Variants in EPYC observed in about 807,000 individuals in gnomAD.
EPYC encodes epiphycan.
EPYC carries 28 observed loss-of-function variants against 30.1 expected under a neutral mutation model. The observed-to-expected ratio is 0.93, with a 90% CI of 0.69 to 1.28. The LOEUF (loss-of-function observed/expected upper bound fraction) is 1.28. Among genes scored for constraint, EPYC ranks in the 50% most tolerant of loss-of-function variants. The probability of loss-of-function intolerance (pLI) is 0.00; values close to 1 mark genes in which losing one functional copy is unlikely to be tolerated. For missense variants in EPYC, 382 were observed against 383.5 expected, an observed-to-expected ratio of 1.00 and a Z score of 0.03; for synonymous variants, 144 against 141.4, an observed-to-expected ratio of 1.02 and a Z score of -0.13.
chr12:90,973,007 A>G, intron 3 of EPYC, 27 bp from the exon 4 acceptor site: 1 of 1,475,534 alleles, frequency 6.8e-7, no homozygotes, highest in Non-Finnish European at 9.3e-7. Context: ...AATAAAATTA[A>G]ATGTAAGTAC....
intron 3 of EPYC, among the ~76,000 whole-genome samples, chr12:90,977,842 T>C (rs1293653211): frequency 6.6e-6 from 1 of 152,156 alleles, no homozygotes; most frequent in East Asian, 1.9e-4. Flanking sequence ...AGGTTTCGAG[T>C]AATGATACAC....
chr12:90,972,541 A>C (rs1877077339), intron 4 of EPYC: 1 of 229,690 alleles, frequency 4.4e-6, no homozygotes. Flanking sequence ...TAATATGATA[A>C]AACATTCCAG....
In EPYC at chr12:90,972,058, A is replaced by G; in HGVS notation, c.500-56T>C. 2.8e-6 allele frequency: 3 copies of G among 1,070,398 alleles called. No homozygotes were observed. In the South Asian group the frequency reaches 5.2e-5, roughly 19 times the overall value. The allele number at this position is 1,070,398 out of a possible 1,614,324, so 66.3% of individuals were successfully genotyped here. A position where few individuals can be genotyped will look rare whatever the true frequency, so the allele number is the denominator to read the frequency against. On this transcript the variant is annotated intron_variant, in intron 4 of 6. Transcript: ENST00000261172. ...ATATTCTTGTTTTGCTCACATAAAA[A>G]TATAAATGTAATTTTCCTTTATTTT...
chr12:90,970,716 G>A (rs959708660), intron 5 of EPYC, among the ~76,000 whole-genome samples: 1 of 152,178 alleles, frequency 6.6e-6, no homozygotes, highest in African/African-American at 2.4e-5. Context: ...CCCTTGCCTG[G>A]CTATAGTGAG....
intron 2 of EPYC, among the ~76,000 whole-genome samples, chr12:90,993,530 A>T (rs993583818): frequency 6.6e-6 from 1 of 152,098 alleles, no homozygotes; most frequent in Non-Finnish European, 1.5e-5. Flanking sequence ...ACTGCCCAGA[A>T]AACCTTTACT....
At chr12:90,978,402 G>A (rs1421211575) in intron 2 of EPYC, 140 bp from the exon 3 acceptor site, 1 of 736,214 alleles carries the variant, frequency 1.4e-6, no homozygotes, top group East Asian at 3.2e-5. Context: ...TGACCATCCT[G>A]CTTGCTTGGA....
At chr12:90,986,565 C>T (rs1486522501) in intron 2 of EPYC, among the ~76,000 whole-genome samples, 1 of 152,082 alleles carries the variant, frequency 6.6e-6, no homozygotes, top group African/African-American at 2.4e-5. Flanking sequence ...TTCATTTGTC[C>T]TCTATGAACC....
intron 2 of EPYC, among the ~76,000 whole-genome samples, chr12:91,001,562 C>A (rs980657395): frequency 6.6e-6 from 1 of 152,076 alleles, no homozygotes; most frequent in African/African-American, 2.4e-5. Context: ...AGGAACATGT[C>A]ATATCAGATT....
chr12:90,977,806 C>G (rs1466417045), intron 3 of EPYC, among the ~76,000 whole-genome samples: 1 of 152,130 alleles, frequency 6.6e-6, no homozygotes, highest in Non-Finnish European at 1.5e-5. Context: ...CAATTACTCT[C>G]TGTTCTACAA....
intron 5 of EPYC, 62 bp from the exon 6 acceptor site, chr12:90,970,201 A>C: frequency 8.5e-7 from 1 of 1,182,342 alleles, no homozygotes; most frequent in Non-Finnish European, 1.3e-6. Flanking sequence ...TAAGAAATAA[A>C]AAACACAGCT....
intron 6 of EPYC, among the ~76,000 whole-genome samples, chr12:90,965,621 A>C (rs1474230247): frequency 6.6e-6 from 1 of 152,078 alleles, no homozygotes; most frequent in South Asian, 2.1e-4. Flanking sequence ...GATAGTTTAT[A>C]TTGATTTTAT....
chr12:90,969,398 AT>A (rs1158663152), intron 6 of EPYC, among the ~76,000 whole-genome samples: 2 of 152,094 alleles, frequency 1.3e-5, no homozygotes, highest in Non-Finnish European at 1.5e-5. Context: ...TGATTGAACA[AT>A]TTTTTAATCA....
chr12:90,973,017 C>A (rs368190492), intron 3 of EPYC, 37 bp from the exon 4 acceptor site: 66 of 1,396,132 alleles, frequency 4.7e-5, no homozygotes, highest in Middle Eastern at 1.8e-4. Context: ...AATGTAAGTA[C>A]CAAATCAATT....
intron 2 of EPYC, among the ~76,000 whole-genome samples, chr12:90,985,068 G>C (rs1565873770): frequency 6.6e-6 from 1 of 152,126 alleles, no homozygotes; most frequent in Non-Finnish European, 1.5e-5. Flanking sequence ...GCTGCAGCCT[G>C]AGAGTTTGGA....
At chr12:91,002,652 T>C in intron 1 of EPYC, 74 bp from the exon 2 acceptor site, 1 of 1,162,362 alleles carries the variant, frequency 8.6e-7, no homozygotes, top group South Asian at 1.5e-5. Context: ...ATAGAAATGA[T>C]AAATTAGTGT....
chr12:90,971,773 AG>A (rs746761003), intron 5 of EPYC, 26 bp downstream of exon 5: 2 of 1,411,958 alleles, frequency 1.4e-6, no homozygotes, highest in South Asian at 1.6e-5. Flanking sequence ...GGAAGATAAA[AG>A]TCTGCATATC....
chr12:90,976,686 A>G (rs1877189907), intron 3 of EPYC, among the ~76,000 whole-genome samples: 1 of 151,992 alleles, frequency 6.6e-6, no homozygotes, highest in South Asian at 2.1e-4. Flanking sequence ...TAATACAGTG[A>G]TATTGTTTGG....
intron 2 of EPYC, among the ~76,000 whole-genome samples, chr12:91,002,112 C>G (rs1877841493): frequency 7.1e-6 from 1 of 141,480 alleles, no homozygotes; most frequent in Admixed American, 7.7e-5. Context: ...ATTGCTTGAA[C>G]CCAGGAGGCG....
intron 2 of EPYC, among the ~76,000 whole-genome samples, chr12:90,996,666 A>G (rs1445358198): frequency 6.6e-6 from 1 of 151,944 alleles, no homozygotes; most frequent in African/African-American, 2.4e-5. Context: ...TTCTCTTTAC[A>G]AGGATGATTT....
Sources: allele counts gnomAD v4.1 joint callset (sites outside exome capture counted in the v4.1 genomes callset), GRCh38; gene constraint gnomAD v4.1.1; transcripts MANE v1.5; gene names NCBI Gene and HGNC (gene_info 2026-07-23, HGNC 2026-07-21).